ETV3: variants seen among roughly 807,000 people sequenced by gnomAD.
ETV3 encodes ETS translocation variant 3.
In ETV3, 8 loss-of-function variants were observed where a neutral mutation model predicts 33.0. That is an observed-to-expected ratio of 0.24 (90% CI 0.14 to 0.44). ETV3 has a LOEUF of 0.44. Among genes scored for constraint, ETV3 ranks in the 20% least tolerant of loss-of-function variants. ETV3 has a pLI of 1.00. For synonymous variants in ETV3, 222 were observed against 238.9 expected (o/e 0.93, Z 0.65); for missense variants, 473 against 652.3 (o/e 0.73, Z 2.99).
In ETV3 at chr1:157,125,294, G is replaced by A. The variant is rs1338655558; in HGVS notation, c.1086C>T (p.Ser362=). The A allele has an allele frequency of 5.2e-6, 8 of 1,552,048 alleles. No individual in the cohort carries two copies. The highest frequency in any genetic ancestry group is 4.8e-5 in the South Asian group (4 of 84,060). ...GRKNRERVES[S]EESAPVTTPT... ...GCGTGGTGACTGGTGCTGACTCCTC[G>A]CTGCTCTCAACCCTCTCCCGGTTCT... is the stretch of plus-strand genomic sequence containing the variant. The change falls in exon 5 of 5, where the codon AGC becomes AGT. Residue 362 remains serine, a synonymous_variant. Transcript: ENST00000368192. The surrounding 1 kb of genome is among the most constrained non-coding windows in gnomAD (Gnocchi z 4.0).
Position 157,127,542 on chromosome 1 carries a change from CT to C in ETV3, c.401-1564del, listed in dbSNP as rs779661847. On this transcript the variant is annotated intron_variant, in intron 4 of 4. Coordinates refer to ENST00000368192, the MANE Select transcript of ETV3 (RefSeq NM_001145312.3). Reference sequence around the variant, plus strand: ...ACATACACTGTGCTACTTATGTCAACTTTTTTTTTTTTTTTTTTTTTGAGAC... The same window carrying C: ...ACATACACTGTGCTACTTATGTCAACTTTTTTTTTTTTTTTTTTTTGAGAC... Among the ~76,000 whole-genome samples the C allele has an allele frequency of 6.8e-3, 911 of 133,546 alleles. 1 individual carries two copies. Among genetic ancestry groups the C allele is most frequent in the Middle Eastern group, 0.019 (5 of 260 alleles). The allele number at this position is 133,546 out of a possible 152,430, so 87.6% of individuals were successfully genotyped here. A position where few individuals can be genotyped will look rare whatever the true frequency, so the allele number is the denominator to read the frequency against.
chr1:157,126,720 C>T (rs112101755), intron 4 of ETV3, among the ~76,000 whole-genome samples: 4 of 91,912 alleles, frequency 4.4e-5, no homozygotes, highest in Admixed American at 1.0e-4. Context: ...GCTGACTGTG[C>T]GGAGGGGCAG....
chr1:157,124,798 G>A lies in ETV3; in HGVS notation c.*43C>T, dbSNP rs951048984. Reference sequence around the variant, plus strand: ...AATCTTGCTACATAAATACATGTATGTATTTGATTATAGTATAAACAGCTC... The same window carrying A: ...AATCTTGCTACATAAATACATGTATATATTTGATTATAGTATAAACAGCTC... On this transcript the variant is annotated 3_prime_UTR_variant, in exon 5 of 5. Transcript: ENST00000368192. 27 of 579,168 alleles carry A rather than the reference G, an allele frequency of 4.7e-5. No homozygotes were observed. The Admixed American group carries it at 1.1e-3, about 23-fold the overall frequency. 35.9% of individuals were successfully genotyped at this position (579,168 alleles called of 1,614,324 possible). A position where few individuals can be genotyped will look rare whatever the true frequency, so the allele number is the denominator to read the frequency against.
intron 1 of ETV3, 110 bp from the exon 2 acceptor site, chr1:157,136,475 G>C: frequency 1.1e-6 from 1 of 923,278 alleles, no homozygotes; most frequent in East Asian, 2.6e-5. Context: ...TCTTCTTTCC[G>C]TATGCAACTC....
chr1:157,124,760 C>T lies in ETV3; in HGVS notation c.*81G>A. The T allele has an allele frequency of 3.9e-6, 1 of 259,694 alleles. No homozygotes were observed. Among genetic ancestry groups the T allele is most frequent in the Non-Finnish European group, 7.6e-6 (1 of 130,744 alleles). 16.1% of individuals were successfully genotyped at this position (259,694 alleles called of 1,614,324 possible). A position where few individuals can be genotyped will look rare whatever the true frequency, so the allele number is the denominator to read the frequency against. On this transcript the variant is annotated 3_prime_UTR_variant, in exon 5 of 5. Transcript: ENST00000368192. ...ATGATCAAACCAGTTTAACTCCCTCCCCCCCACCCTGAAATCTTGCTACAT... is the reference window on the plus strand; with the variant it reads ...ATGATCAAACCAGTTTAACTCCCTCTCCCCCACCCTGAAATCTTGCTACAT...
chr1:157,133,913 A>G (rs1675031860), intron 4 of ETV3, 199 bp downstream of exon 4: 2 of 1,394,200 alleles, frequency 1.4e-6, no homozygotes, highest in Non-Finnish European at 9.3e-7. Context: ...TAAACCAAAG[A>G]AATCTATCTT....
At chr1:157,133,994 G>C in intron 4 of ETV3, 118 bp downstream of exon 4, 1 of 1,489,116 alleles carries the variant, frequency 6.7e-7, no homozygotes, top group East Asian at 2.4e-5. Flanking sequence ...CAATCCAAAG[G>C]ATCACATTAT....
chr1:157,137,289 A>G (rs1391992232), intron 1 of ETV3, among the ~76,000 whole-genome samples: 1 of 152,158 alleles, frequency 6.6e-6, no homozygotes, highest in East Asian at 1.9e-4. Flanking sequence ...ACAGGCCCTC[A>G]GCATCCACAT....
chr1:157,131,222 G>A lies in ETV3; in HGVS notation c.400+2890C>T, dbSNP rs113985606. On this transcript the variant is annotated intron_variant, in intron 4 of 4. Transcript: ENST00000368192. ...ATCAAGTCCATCCCTGAACTGGTCT[G>A]TCCTGCCCCATCCTGACAGTATCTT... Among the ~76,000 whole-genome samples the A allele has an allele frequency of 7.5e-3, 1,135 of 152,284 alleles. 5 individuals are homozygous for A. Among genetic ancestry groups the A allele is most frequent in the Middle Eastern group, 0.01 (3 of 294 alleles).
chr1:157,126,023 C>A, intron 4 of ETV3, 44 bp from the exon 5 acceptor site: 1 of 1,453,718 alleles, frequency 6.9e-7, no homozygotes, highest in South Asian at 1.4e-5. Context: ...GAGGACTGCT[C>A]ATTCATTATC....
intron 4 of ETV3, among the ~76,000 whole-genome samples, chr1:157,130,136 C>T (rs888777189): frequency 1.6e-4 from 24 of 152,090 alleles, no homozygotes; most frequent in African/African-American, 4.8e-4. Context: ...GCCACTGTGC[C>T]GGCCCAAAAT....
Position 157,125,237 on chromosome 1 carries a change from C to T in ETV3, c.1143G>A (p.Lys381=). The change falls in exon 5 of 5, where the codon AAG becomes AAA. Residue 381 remains lysine (K), a synonymous_variant. Transcript: ENST00000368192. This position sits in a 1 kb window ranked among gnomAD's most constrained non-coding sequence, Gnocchi z 4.0. ...GATCCTTTTCAGAGGCAGGTTCCAC[C>T]TTGATTCTTGGGGGAATAGAAGCCA... The part of the protein sequence containing the change: ...PTMASIPPRI[K]VEPASEKDPE... 1.3e-6 allele frequency: 2 copies of T among 1,552,114 alleles called. No homozygotes were observed. Among genetic ancestry groups the T allele is most frequent in the Non-Finnish European group, 8.7e-7 (1 of 1,147,104 alleles).
rs766411117 is a variant in ETV3, at chr1:157,125,975, C to T, written c.405G>A (p.Val135=). The T allele has an allele frequency of 5.2e-6, 8 of 1,545,050 alleles. No homozygotes were observed. The highest frequency in any genetic ancestry group is 1.7e-4 in the Middle Eastern group (1 of 5,760). The change falls in exon 5 of 5, where the codon GTG becomes GTA. Residue 135 remains valine, a synonymous_variant. Transcript: ENST00000368192. The surrounding 1 kb of genome is among the most constrained non-coding windows in gnomAD (Gnocchi z 4.0). ...YPFINIRSSG[V]VPQSAPPVPT... is the part of the protein sequence containing the mutation. ...GCACTGGTGGTGCACTCTGAGGAAC[C>T]ACACCTGTGATGGTGGAAAATACAA...
Position 157,135,617 on chromosome 1 carries a change from C to T in ETV3, c.138G>A (p.Gln46=), listed in dbSNP as rs367899346. 19 of 1,614,084 alleles carry T rather than the reference C, an allele frequency of 1.2e-5. No individual in the cohort carries two copies. The African/African-American group carries it at 2.5e-4, about 22-fold the overall frequency. The stretch of plus-strand genomic sequence containing the variant: ...CGATGACATGGCGGAACTCTTCCTT[C>T]TGCAGCAGCTCCAGGATGAAGTGCC... ...QLWHFILELL[Q]KEEFRHVIAW... is the part of the protein sequence containing the mutation. Residue 46 remains glutamine, a synonymous_variant, in exon 3 of 5, where the codon CAG becomes CAA. Coordinates refer to ENST00000368192, the MANE Select transcript of ETV3 (RefSeq NM_001145312.3).
At chr1:157,137,265 C>T (rs963578975) in intron 1 of ETV3, among the ~76,000 whole-genome samples, 6 of 152,040 alleles carry the variant, frequency 3.9e-5, no homozygotes, top group Admixed American at 6.6e-5. Flanking sequence ...CCTCGCTGTT[C>T]CCCAGGGTGG....
chr1:157,128,466 C>A, intron 4 of ETV3: 1 of 316,374 alleles, frequency 3.2e-6, no homozygotes, highest in East Asian at 8.2e-5. Flanking sequence ...ATCTCCATGT[C>A]TCTTTGGGTG....
chr1:157,134,295 C>T, intron 3 of ETV3, 68 bp from the exon 4 acceptor site: 1 of 1,545,960 alleles, frequency 6.5e-7, no homozygotes, highest in Non-Finnish European at 8.7e-7. Context: ...ACTTAGGTAG[C>T]CACTGAGACC....
At position 157,135,466 on chromosome 1, in the gene ETV3, C is replaced by G; in HGVS notation, c.284+5G>C. On this transcript the variant is annotated splice_donor_5th_base_variant and intron_variant, in intron 3 of 4. Coordinates refer to ENST00000368192, the MANE Select transcript of ETV3 (RefSeq NM_001145312.3). ...TAACACAGATTTGGGAATCCTTTTCCTTACCTGAGGGCCCGGCTCAGCTTG... is the reference window on the plus strand; with the variant it reads ...TAACACAGATTTGGGAATCCTTTTCGTTACCTGAGGGCCCGGCTCAGCTTG... 1 of 1,613,920 alleles carries G rather than the reference C, an allele frequency of 6.2e-7. No individual in the cohort carries two copies. Among genetic ancestry groups the G allele is most frequent in the Non-Finnish European group, 8.5e-7 (1 of 1,179,832 alleles).
rs1012941697 is a variant in ETV3 at position 157,134,364 on chromosome 1, C to T, written c.285-137G>A. The T allele has an allele frequency of 2.0e-4, 234 of 1,151,970 alleles. No individual in the cohort carries two copies. The African/African-American group carries it at 3.0e-3, about 15-fold the overall frequency. The allele number at this position is 1,151,970 out of a possible 1,614,324, so 71.4% of individuals were successfully genotyped here. A position where few individuals can be genotyped will look rare whatever the true frequency, so the allele number is the denominator to read the frequency against. ...TCACTACCAATCTTTCGCAGCCTGGCCCTCCAGGTAGATCTAGGAGACCTA... is the reference window on the plus strand; with the variant it reads ...TCACTACCAATCTTTCGCAGCCTGGTCCTCCAGGTAGATCTAGGAGACCTA... On this transcript the variant is annotated intron_variant, in intron 3 of 4. Coordinates refer to ENST00000368192, the MANE Select transcript of ETV3 (RefSeq NM_001145312.3).
Sources: allele counts gnomAD v4.1 joint callset (sites outside exome capture counted in the v4.1 genomes callset), GRCh38; gene constraint gnomAD v4.1.1; non-coding constraint Gnocchi (gnomAD v3.1); transcripts MANE v1.5; gene names NCBI Gene and HGNC (gene_info 2026-07-23, HGNC 2026-07-21).